GPR65: variants seen among roughly 807,000 people sequenced by gnomAD.
GPR65 encodes G protein-coupled receptor 65.
GPR65 carries 2 observed loss-of-function variants against 0.7 expected under a neutral mutation model. The ratio of observed to expected loss-of-function variants is 2.83; its 90% confidence interval spans 1.16 to 8.92. GPR65 has a LOEUF of 8.92. Ranked by LOEUF, GPR65 falls within the 30% of genes most tolerant of loss-of-function variation. The probability of loss-of-function intolerance (pLI) is 0.04; values close to 1 mark genes in which losing one functional copy is unlikely to be tolerated. For missense variants in GPR65, 379 were observed against 399.4 expected, an observed-to-expected ratio of 0.95 and a Z score of 0.43; for synonymous variants, 128 against 146.5, an observed-to-expected ratio of 0.87 and a Z score of 0.91.
At chr14:88,008,827 T>G (rs1443069614) in intron 1 of GPR65, among the ~76,000 whole-genome samples, 1 of 152,138 alleles carries the variant, frequency 6.6e-6, no homozygotes, top group Non-Finnish European at 1.5e-5. Flanking sequence ...ATCATTTTAA[T>G]TTTAGCTTGA....
rs190109222 is a variant in GPR65 at position 88,014,008 on chromosome 14, C to G, written c.*2147C>G. Reference sequence around the variant, plus strand: ...CCGCCACTCCAGAAGAGCGGAGGAACCCAGGATAATATTTTGTCAACCAAG... The same window carrying G: ...CCGCCACTCCAGAAGAGCGGAGGAAGCCAGGATAATATTTTGTCAACCAAG... On this transcript the variant is annotated 3_prime_UTR_variant, in exon 2 of 2. Transcript: ENST00000267549. 1.4e-4 allele frequency: 22 copies of G among 152,194 alleles called. No homozygotes were observed. Among genetic ancestry groups the G allele is most frequent in the African/African-American group, 4.6e-4 (19 of 41,514 alleles). The allele number at this position is 152,194 out of a possible 1,614,324, so 9.4% of individuals were successfully genotyped here. A position where few individuals can be genotyped will look rare whatever the true frequency, so the allele number is the denominator to read the frequency against.
At chr14:88,008,224 T>G (rs1887625059) in intron 1 of GPR65, among the ~76,000 whole-genome samples, 1 of 152,162 alleles carries the variant, frequency 6.6e-6, no homozygotes, top group African/African-American at 2.4e-5. Flanking sequence ...GCTTGATGCA[T>G]TTCTACAAAC....
intron 1 of GPR65, among the ~76,000 whole-genome samples, chr14:88,008,907 T>C (rs1887635027): frequency 1.3e-5 from 2 of 152,168 alleles, no homozygotes; most frequent in Non-Finnish European, 2.9e-5. Flanking sequence ...ACTAATAATG[T>C]AGACCCAGAC....
At position 88,014,719 on chromosome 14, in the gene GPR65, G is replaced by A. The variant is rs551598495; in HGVS notation, c.*2858G>A. 1 of 152,000 alleles carries A rather than the reference G, an allele frequency of 6.6e-6. No homozygotes were observed. Among genetic ancestry groups the A allele is most frequent in the East Asian group, 1.9e-4 (1 of 5,160 alleles). 9.4% of individuals were successfully genotyped at this position (152,000 alleles called of 1,614,324 possible). On this transcript the variant is annotated 3_prime_UTR_variant, in exon 2 of 2. Transcript: ENST00000267549. ...GCAATCCAGGTACATAGCCATAAAG[G>A]GATGAGCTAGAGAGGTCTCCATATT...
chr14:88,011,668 T>C lies in GPR65; in HGVS notation c.821T>C (p.Ile274Thr), dbSNP rs1887684090. ...SGKRTYTMYR[I>T]TVALTSLNCV... ...AAGCGAACTTACACAATGTATAGAA[T>C]CACGGTTGCATTAACAAGTTTAAAT... Residue 274 changes from isoleucine to threonine, a missense_variant, in exon 2 of 2, where the codon ATC becomes ACC. Coordinates refer to ENST00000267549, the MANE Select transcript of GPR65 (RefSeq NM_003608.4). The C allele has an allele frequency of 1.9e-6, 3 of 1,613,798 alleles. No homozygotes were observed. The East Asian group carries it at 6.7e-5, about 36-fold the overall frequency.
Position 88,011,965 on chromosome 14 carries a change from T to C in GPR65, c.*104T>C. ...TCTAGCATGTGAGGGGACTAAGTGT[T>C]CTCAGAGTGATGTTTTAATCCAGTC... On this transcript the variant is annotated 3_prime_UTR_variant, in exon 2 of 2. Coordinates refer to ENST00000267549, the MANE Select transcript of GPR65 (RefSeq NM_003608.4). 1.3e-6 allele frequency: 1 copy of C among 790,364 alleles called. No individual in the cohort carries two copies. The highest frequency in any genetic ancestry group is 2.5e-5 in the East Asian group (1 of 39,240). 49.0% of individuals were successfully genotyped at this position (790,364 alleles called of 1,614,324 possible).
chr14:88,011,881 G>A lies in GPR65; in HGVS notation c.*20G>A. ...GAGTAGAACCAAGGATGTTTTGAAG[G>A]GAAGGGAAGTTTAAGTTATGCATTA... On this transcript the variant is annotated 3_prime_UTR_variant, in exon 2 of 2. Coordinates refer to ENST00000267549, the MANE Select transcript of GPR65 (RefSeq NM_003608.4). The A allele has an allele frequency of 6.7e-7, 1 of 1,502,834 alleles. No individual in the cohort carries two copies. Among genetic ancestry groups the A allele is most frequent in the South Asian group, 1.4e-5 (1 of 73,914 alleles). The allele number at this position is 1,502,834 out of a possible 1,614,324, so 93.1% of individuals were successfully genotyped here. A position where few individuals can be genotyped will look rare whatever the true frequency, so the allele number is the denominator to read the frequency against.
rs766443382 is a variant in GPR65 at position 88,011,864 on chromosome 14, C to T, written c.*3C>T. The T allele has an allele frequency of 2.6e-6, 4 of 1,523,966 alleles. No individual in the cohort carries two copies. The highest frequency in any genetic ancestry group is 1.3e-5 in the South Asian group (1 of 76,684). 94.4% of individuals were successfully genotyped at this position (1,523,966 alleles called of 1,614,324 possible). On this transcript the variant is annotated 3_prime_UTR_variant, in exon 2 of 2. Transcript: ENST00000267549. The stretch of plus-strand genomic sequence containing the variant: ...TGGAATTAGAGGTCCTTGAGTAGAA[C>T]CAAGGATGTTTTGAAGGGAAGGGAA...
rs1887655445 is a variant in GPR65 at position 88,010,383 on chromosome 14, T to C, written c.-459-6T>C. 1 of 155,664 alleles carries C rather than the reference T, an allele frequency of 6.4e-6. No homozygotes were observed. Among genetic ancestry groups the C allele is most frequent in the South Asian group, 1.9e-4 (1 of 5,144 alleles). 9.6% of individuals were successfully genotyped at this position (155,664 alleles called of 1,614,324 possible). On this transcript the variant is annotated splice_polypyrimidine_tract_variant and splice_region_variant and intron_variant, in intron 1 of 1. Transcript: ENST00000267549. The stretch of plus-strand genomic sequence containing the variant: ...CTAAACAATTTTAATTCATCTTTCA[T>C]TACAGAAGGAAAGGAATTTTAAAAG...
At chr14:88,009,577 G>A (rs35355673) in intron 1 of GPR65, among the ~76,000 whole-genome samples, 78,737 of 151,802 alleles carry the variant, frequency 0.52, 21,164 homozygotes, top group East Asian at 0.65. Context: ...CCATGTAAAT[G>A]ATCTCAGCCA....
In GPR65 at chr14:88,012,389, AT is replaced by A. The variant is rs1489495801; in HGVS notation, c.*530del. The A allele has an allele frequency of 1.3e-5, 2 of 152,454 alleles. No homozygotes were observed. The highest frequency in any genetic ancestry group is 4.8e-5 in the African/African-American group (2 of 41,462). 9.4% of individuals were successfully genotyped at this position (152,454 alleles called of 1,614,324 possible). A position where few individuals can be genotyped will look rare whatever the true frequency, so the allele number is the denominator to read the frequency against. ...TACATAACTTAAAATTCAACTTTGT[AT>A]TGTGTACAATTCAGTGATTTTTTGT... On this transcript the variant is annotated 3_prime_UTR_variant, in exon 2 of 2. Coordinates refer to ENST00000267549, the MANE Select transcript of GPR65 (RefSeq NM_003608.4).
At chr14:88,007,259 T>G (rs774790489) in intron 1 of GPR65, among the ~76,000 whole-genome samples, 1 of 152,186 alleles carries the variant, frequency 6.6e-6, no homozygotes, top group Non-Finnish European at 1.5e-5. Flanking sequence ...TGAAGATGCA[T>G]GAGGATTCTT....
intron 1 of GPR65, among the ~76,000 whole-genome samples, chr14:88,009,499 A>G (rs1567029469): frequency 6.6e-6 from 1 of 152,146 alleles, no homozygotes; most frequent in Non-Finnish European, 1.5e-5. Context: ...GGATTCATCA[A>G]CAGTTGGGAG....
At position 88,012,104 on chromosome 14, in the gene GPR65, T is replaced by C. The variant is rs1459256710; in HGVS notation, c.*243T>C. 2 of 333,570 alleles carry C rather than the reference T, an allele frequency of 6.0e-6. No individual in the cohort carries two copies. Among genetic ancestry groups the C allele is most frequent in the Non-Finnish European group, 1.2e-5 (2 of 173,640 alleles). The allele number at this position is 333,570 out of a possible 1,614,324, so 20.7% of individuals were successfully genotyped here. A position where few individuals can be genotyped will look rare whatever the true frequency, so the allele number is the denominator to read the frequency against. On this transcript the variant is annotated 3_prime_UTR_variant, in exon 2 of 2. Transcript: ENST00000267549. Reference sequence around the variant, plus strand: ...AATGACTCAGGGTCTTTATTGTTAATGCCAATTGTTTTTGTATCTGTGCTA... The same window carrying C: ...AATGACTCAGGGTCTTTATTGTTAACGCCAATTGTTTTTGTATCTGTGCTA...
At position 88,011,468 on chromosome 14, in the gene GPR65, C is replaced by T. The variant is rs1887679896; in HGVS notation, c.621C>T (p.Tyr207=). 6 of 1,614,116 alleles carry T rather than the reference C, an allele frequency of 3.7e-6. No homozygotes were observed. The highest frequency in any genetic ancestry group is 5.1e-6 in the Non-Finnish European group (6 of 1,180,004). The change falls in exon 2 of 2, where the codon TAC becomes TAT. Residue 207 remains tyrosine, a synonymous_variant. Coordinates refer to ENST00000267549, the MANE Select transcript of GPR65 (RefSeq NM_003608.4). ...VTILICNRKV[Y]QAVRHNKATE... is the part of the protein sequence containing the mutation. ...TCCTGATCTGCAACCGGAAAGTCTA[C>T]CAAGCTGTGCGGCACAATAAAGCCA...
rs986497133 is a variant in GPR65 at position 88,012,152 on chromosome 14, T to C, written c.*291T>C. 1 of 210,948 alleles carries C rather than the reference T, an allele frequency of 4.7e-6. No individual in the cohort carries two copies. The highest frequency in any genetic ancestry group is 5.4e-5 in the Admixed American group (1 of 18,654). 13.1% of individuals were successfully genotyped at this position (210,948 alleles called of 1,614,324 possible). A position where few individuals can be genotyped will look rare whatever the true frequency, so the allele number is the denominator to read the frequency against. On this transcript the variant is annotated 3_prime_UTR_variant, in exon 2 of 2. Transcript: ENST00000267549. ...CTATAATCCCTTAGAGTCAGTAAAG[T>C]ATGTAGGGGACTGTTTCTTCCTTTG...
chr14:88,007,097 G>C (rs1206651531), intron 1 of GPR65, among the ~76,000 whole-genome samples: 1 of 152,064 alleles, frequency 6.6e-6, no homozygotes, highest in Non-Finnish European at 1.5e-5. Flanking sequence ...TCCTTCATAG[G>C]TAGTCCATCT....
rs1887663870 is a variant in GPR65, at chr14:88,010,780, A to G, written c.-68A>G. 6.5e-6 allele frequency: 7 copies of G among 1,076,208 alleles called. No homozygotes were observed. The highest frequency in any genetic ancestry group is 1.6e-5 in the African/African-American group (1 of 61,832). 66.7% of individuals were successfully genotyped at this position (1,076,208 alleles called of 1,614,324 possible). On this transcript the variant is annotated 5_prime_UTR_variant, in exon 2 of 2. Coordinates refer to ENST00000267549, the MANE Select transcript of GPR65 (RefSeq NM_003608.4). ...GCGAATTCGATGTTCAAAACAAACT[A>G]CAAAGAGACAAGACTTCTCTGTTTA... is the stretch of plus-strand genomic sequence containing the variant.
In GPR65 at chr14:88,011,009, C is replaced by T. The variant is rs761876928; in HGVS notation, c.162C>T (p.Phe54=). The part of the protein sequence containing the change: ...KKESELGIYL[F]SLSLSDLLYA... ...AAAGTGAACTAGGAATTTACCTCTT[C>T]AGTTTGTCACTATCAGATTTACTCT... is the stretch of plus-strand genomic sequence containing the variant. Residue 54 remains phenylalanine, a synonymous_variant, in exon 2 of 2, where the codon TTC becomes TTT. Transcript: ENST00000267549. 6.2e-7 allele frequency: 1 copy of T among 1,613,328 alleles called. No individual in the cohort carries two copies.
Sources: gnomAD v4.1 joint callset for allele counts (sites outside exome capture counted in the v4.1 genomes callset) on GRCh38, gnomAD v4.1.1 for gene constraint, MANE v1.5 for transcripts, NCBI Gene and HGNC (gene_info 2026-07-23, HGNC 2026-07-21) for gene names.